CFAP61: variants seen among roughly 807,000 people sequenced by gnomAD.
CFAP61 encodes the protein cilia and flagella associated protein 61.
Under a neutral mutation model 135.6 loss-of-function variants are expected in CFAP61, and 107 were observed. The observed-to-expected ratio is 0.79, with a 90% CI of 0.67 to 0.93. The LOEUF (loss-of-function observed/expected upper bound fraction) is 0.93, where lower values mean the gene tolerates loss of function less well. Ranked by LOEUF, CFAP61 falls within the 40% of genes least tolerant of loss-of-function variation. CFAP61 has a pLI of 0.00. For synonymous variants in CFAP61, 575 were observed against 578.5 expected (o/e 0.99, Z 0.09); for missense variants, 1,507 against 1,556.2 (o/e 0.97, Z 0.53).
rs2053720880 is a variant in CFAP61, at chr20:20,165,116, CTGTTGGACCCCTTCTCAGAGGAG to C, written c.1205+891_1205+913del. Among the ~76,000 whole-genome samples the C allele has an allele frequency of 2.0e-5, 3 of 152,208 alleles. No homozygotes were observed. In the South Asian group the frequency reaches 6.2e-4, roughly 31 times the overall value. The stretch of plus-strand genomic sequence containing the variant: ...CAAACCATATCACCCTACTTCCCTG[CTGTTGGACCCCTTCTCAGAGGAG>C]TGCCCCATCCTGGGCCTAAGACCAC... On this transcript the variant is annotated intron_variant, in intron 11 of 26. Transcript: ENST00000245957.
At chr20:20,169,492 T>C in intron 13 of CFAP61, 32 bp downstream of exon 13, 1 of 1,539,476 alleles carries the variant, frequency 6.5e-7, no homozygotes, top group Non-Finnish European at 8.8e-7. Context: ...CACACAACAA[T>C]CCATGAAATT....
At chr20:20,353,254 GA>G (rs1489640466) in intron 26 of CFAP61, among the ~76,000 whole-genome samples, 1 of 152,182 alleles carries the variant, frequency 6.6e-6, no homozygotes, top group Non-Finnish European at 1.5e-5. Context: ...TCAAAGATCA[GA>G]AAAAAACAAA....
rs35865562 is a variant in CFAP61 at position 20,070,928 on chromosome 20, AC to A, written c.222del (p.Asn75ThrfsTer26). ...EIMAQATFLD[Y>X]PNWNVAKQDD... ...ATGGCCCAGGCCACCTTCCTGGACT[AC>A]CCCAACTGGAATGTTGCCAAGCAGG... On this transcript the variant is annotated frameshift_variant, in exon 3 of 27. Transcript: ENST00000245957. LOFTEE classifies it high-confidence loss of function. 1 of 1,614,110 alleles carries A rather than the reference AC, an allele frequency of 6.2e-7. No individual in the cohort carries two copies. Among genetic ancestry groups the A allele is most frequent in the East Asian group, 2.2e-5 (1 of 44,868 alleles).
intron 26 of CFAP61, among the ~76,000 whole-genome samples, chr20:20,350,924 C>T (rs1316760597): frequency 6.6e-6 from 1 of 152,052 alleles, no homozygotes; most frequent in Non-Finnish European, 1.5e-5. Flanking sequence ...AATAAAAAAC[C>T]TCTCAACAAT....
Position 20,167,814 on chromosome 20 carries a change from G to T in CFAP61, c.1245+1378G>T, listed in dbSNP as rs181087526. On this transcript the variant is annotated intron_variant, in intron 12 of 26. Transcript: ENST00000245957. ...TTGCACAAATGTCCCCAGGGTTTTGGATTAGCACAAGTAATGCCTTCACAG... is the reference window on the plus strand; with the variant it reads ...TTGCACAAATGTCCCCAGGGTTTTGTATTAGCACAAGTAATGCCTTCACAG... Among the ~76,000 whole-genome samples the T allele has an allele frequency of 2.6e-5, 4 of 152,308 alleles. No individual in the cohort carries two copies. The East Asian group carries it at 7.7e-4, about 29-fold the overall frequency.
intron 25 of CFAP61, among the ~76,000 whole-genome samples, chr20:20,305,713 C>G (rs1051538992): frequency 1.7e-4 from 26 of 152,230 alleles, no homozygotes; most frequent in African/African-American, 6.0e-4. Context: ...AATCCTTTCC[C>G]AAATGATTTG....
intron 8 of CFAP61, among the ~76,000 whole-genome samples, chr20:20,117,997 T>C (rs1443162388): frequency 6.6e-6 from 1 of 152,164 alleles, no homozygotes; most frequent in Non-Finnish European, 1.5e-5. Flanking sequence ...GTGGGGTCTT[T>C]AGGTTTTTCT....
intron 15 of CFAP61, among the ~76,000 whole-genome samples, chr20:20,191,836 G>A (rs905649468): frequency 5.3e-5 from 8 of 151,852 alleles, no homozygotes; most frequent in African/African-American, 1.5e-4. Flanking sequence ...TTTTCCCAGT[G>A]CACAGCCAGC....
At chr20:20,157,271 C>T (rs1435547490) in intron 9 of CFAP61, among the ~76,000 whole-genome samples, 1 of 152,098 alleles carries the variant, frequency 6.6e-6, no homozygotes, top group Non-Finnish European at 1.5e-5. Flanking sequence ...TGGGGGTTTG[C>T]TATGTTGGCC....
intron 8 of CFAP61, among the ~76,000 whole-genome samples, chr20:20,111,421 CCT>C (rs1185643810): frequency 1.3e-5 from 2 of 152,156 alleles, no homozygotes; most frequent in African/African-American, 4.8e-5. Context: ...CGGGAAGTAG[CCT>C]TACTAACTCA....
At chr20:20,261,876 G>A (rs2052260369) in intron 20 of CFAP61, among the ~76,000 whole-genome samples, 1 of 151,948 alleles carries the variant, frequency 6.6e-6, no homozygotes, top group Non-Finnish European at 1.5e-5. Context: ...CCGTTATTGT[G>A]TTTTTACTGT....
chr20:20,250,955 G>A (rs369843136), intron 19 of CFAP61, among the ~76,000 whole-genome samples: 8 of 152,316 alleles, frequency 5.3e-5, no homozygotes, highest in Non-Finnish European at 7.4e-5. Context: ...CGAAGTCTCC[G>A]TTCCTAGAAA....
At chr20:20,343,697 G>A (rs6046805) in intron 26 of CFAP61, among the ~76,000 whole-genome samples, 62,657 of 151,990 alleles carry the variant, frequency 0.41, 13,610 homozygotes, top group East Asian at 0.56. Flanking sequence ...AGGGCCCTTC[G>A]TTTCCAAGTG....
chr20:20,328,676 A>G (rs1041925822), intron 25 of CFAP61, among the ~76,000 whole-genome samples: 28 of 152,248 alleles, frequency 1.8e-4, no homozygotes, highest in Non-Finnish European at 2.6e-4. Context: ...ATGAAGTCAT[A>G]TAACTCAATA....
intron 18 of CFAP61, among the ~76,000 whole-genome samples, chr20:20,236,871 A>G (rs1361021105): frequency 6.6e-6 from 1 of 152,206 alleles, no homozygotes; most frequent in African/African-American, 2.4e-5. Flanking sequence ...CTTGTCTTTG[A>G]TAGCTACCAT....
chr20:20,097,253 A>G (rs1155188), intron 7 of CFAP61, among the ~76,000 whole-genome samples: 112,485 of 152,064 alleles, frequency 0.74, 42,032 homozygotes, highest in East Asian at 0.99. Context: ...GAGTTCTGCT[A>G]CTTTCTGAAT....
chr20:20,200,980 C>CA, intron 17 of CFAP61: 1 of 983,706 alleles, frequency 1.0e-6, no homozygotes, highest in Non-Finnish European at 1.2e-6. Flanking sequence ...TGTAAAATAA[C>CA]AAAAAATTTA....
chr20:20,130,915 C>T (rs1241796566), intron 8 of CFAP61, among the ~76,000 whole-genome samples: 1 of 151,828 alleles, frequency 6.6e-6, no homozygotes, highest in Admixed American at 6.6e-5. Context: ...TTTCTTTCTT[C>T]AAGTATACCT....
intron 8 of CFAP61, among the ~76,000 whole-genome samples, chr20:20,102,853 AC>A (rs929383567): frequency 3.9e-5 from 6 of 152,120 alleles, no homozygotes; most frequent in Admixed American, 2.6e-4. Flanking sequence ...TTTCACACCA[AC>A]CTCAACCCTT....
Sources: allele counts gnomAD v4.1 joint callset (sites outside exome capture counted in the v4.1 genomes callset), GRCh38; gene constraint gnomAD v4.1.1; transcripts MANE v1.5; gene names NCBI Gene and HGNC (gene_info 2026-07-23, HGNC 2026-07-21).